The following CCDC14 variants were observed in gnomAD, a reference collection of about 807,000 sequenced individuals.
CCDC14 encodes the protein coiled-coil domain-containing protein 14.
A neutral mutation model predicts 81.4 loss-of-function variants in CCDC14; 71 were observed. That is an observed-to-expected ratio of 0.87 (90% CI 0.72 to 1.06). CCDC14 has a LOEUF of 1.06. Among genes scored for constraint, CCDC14 ranks in the 50% least tolerant of loss-of-function variants. The pLI is 0.00. For missense variants in CCDC14, 1,046 were observed against 1,047.3 expected, an observed-to-expected ratio of 1.00 and a Z score of 0.02; for synonymous variants, 332 against 364.8, an observed-to-expected ratio of 0.91 and a Z score of 1.03.
chr3:123,960,907 G>A (rs537984622), intron 1 of CCDC14, among the ~76,000 whole-genome samples: 15 of 152,300 alleles, frequency 9.8e-5, no homozygotes, highest in Admixed American at 5.9e-4. Flanking sequence ...ACCCGGGCCT[G>A]ACCCCAAAGC....
At chr3:123,940,179 A>G (rs933715186) in intron 9 of CCDC14, among the ~76,000 whole-genome samples, 3 of 151,720 alleles carry the variant, frequency 2.0e-5, no homozygotes, top group African/African-American at 7.3e-5. Context: ...AAAACAAAAA[A>G]CTTCAGGCTT....
chr3:123,952,267 T>A (rs1324327687), intron 5 of CCDC14, among the ~76,000 whole-genome samples: 1 of 152,158 alleles, frequency 6.6e-6, no homozygotes, highest in African/African-American at 2.4e-5. Flanking sequence ...GCCACTCGAA[T>A]ATAGAACAAA....
downstream of CCDC14, among the ~76,000 whole-genome samples, chr3:123,896,570 C>T (rs146569062): frequency 6.8e-4 from 104 of 152,212 alleles, no homozygotes; most frequent in African/African-American, 2.4e-3. Flanking sequence ...CACATGATCT[C>T]ACTTACATGT....
At chr3:123,940,189 T>A (rs2036275327) in intron 9 of CCDC14, among the ~76,000 whole-genome samples, 1 of 151,848 alleles carries the variant, frequency 6.6e-6, no homozygotes. Flanking sequence ...ACTTCAGGCT[T>A]CACAATACTT....
chr3:123,934,442 T>A (rs2035947378), intron 9 of CCDC14, among the ~76,000 whole-genome samples: 1 of 152,094 alleles, frequency 6.6e-6, no homozygotes, highest in South Asian at 2.1e-4. Context: ...ATCTACTTTT[T>A]AAAAGATTTG....
At chr3:123,927,090 T>C (rs1351486336) in intron 12 of CCDC14, among the ~76,000 whole-genome samples, 1 of 152,108 alleles carries the variant, frequency 6.6e-6, no homozygotes, top group African/African-American at 2.4e-5. Context: ...ATAATTAAGC[T>C]CAGAGACTTT....
intron 12 of CCDC14, among the ~76,000 whole-genome samples, chr3:123,925,740 G>T (rs948239285): frequency 1.3e-5 from 2 of 152,152 alleles, no homozygotes; most frequent in South Asian, 4.1e-4. Flanking sequence ...CCAGCCTAGG[G>T]TGATTATACT....
Position 123,915,478 on chromosome 3 carries a change from G to C in CCDC14, c.2019C>G (p.Asp673Glu). The C allele has an allele frequency of 6.2e-7, 1 of 1,613,962 alleles. No homozygotes were observed. Residue 673 changes from aspartate to glutamate, a missense_variant, in exon 13 of 13, where the codon GAC (aspartate) becomes GAG (glutamate). Transcript: ENST00000409697. ...TIKNEETIEP[D>E]KTYENVLSSR... ...AGGACAGAACATTTTCATAGGTTTT[G>C]TCTGGCTCTATGGTTTCCTCATTTT...
At chr3:123,939,155 A>G (rs925813956) in intron 9 of CCDC14, among the ~76,000 whole-genome samples, 9 of 151,800 alleles carry the variant, frequency 5.9e-5, no homozygotes, top group African/African-American at 9.7e-5. Context: ...CCTTTGCACT[A>G]AAAGGACAGC....
chr3:123,917,489 C>T (rs1172812153), intron 12 of CCDC14, among the ~76,000 whole-genome samples: 1 of 147,614 alleles, frequency 6.8e-6, no homozygotes, highest in East Asian at 2.1e-4. Flanking sequence ...GGCGAAACTC[C>T]ATCTCAACCA....
At chr3:123,938,482 C>T (rs1415335670) in intron 9 of CCDC14, among the ~76,000 whole-genome samples, 2 of 151,872 alleles carry the variant, frequency 1.3e-5, no homozygotes, top group Non-Finnish European at 2.9e-5. Context: ...TTCTTATTAA[C>T]TCTAGCAGCA....
chr3:123,913,743 A>C lies in CCDC14; in HGVS notation c.*1036T>G, dbSNP rs1472105412. ...TCTGGGATTAGGAGAACACTCTTTA[A>C]TGATAAAGCCTGTCCAAGTACTAAG... is the stretch of plus-strand genomic sequence containing the variant. On this transcript the variant is annotated 3_prime_UTR_variant, in exon 13 of 13. Transcript: ENST00000409697. The C allele has an allele frequency of 1.0e-6, 1 of 985,030 alleles. No individual in the cohort carries two copies. The highest frequency in any genetic ancestry group is 1.7e-5 in the African/African-American group (1 of 57,196). The allele number at this position is 985,030 out of a possible 1,614,324, so 61.0% of individuals were successfully genotyped here. A position where few individuals can be genotyped will look rare whatever the true frequency, so the allele number is the denominator to read the frequency against.
intron 5 of CCDC14, chr3:123,953,895 C>T (rs1009275600): frequency 6.6e-6 from 1 of 152,142 alleles, no homozygotes; most frequent in African/African-American, 2.4e-5. Flanking sequence ...CTCGCATGAC[C>T]TAGTAGGCAA....
intron 12 of CCDC14, among the ~76,000 whole-genome samples, chr3:123,915,942 A>G (rs2034660125): frequency 6.6e-6 from 1 of 151,700 alleles, no homozygotes; most frequent in Admixed American, 6.6e-5. Context: ...ATCTATCACT[A>G]TGTCTAAAAA....
At position 123,955,973 on chromosome 3, in the gene CCDC14, T is replaced by C. The variant is rs569081188; in HGVS notation, c.230-8A>G. ...AATATGCTGTTTCTGAACCTATTAA[T>C]AAAACAAAAATTTGTTACATCAAAA... On this transcript the variant is annotated splice_region_variant and splice_polypyrimidine_tract_variant and intron_variant, in intron 4 of 12. Coordinates refer to ENST00000409697, the MANE Select transcript of CCDC14 (RefSeq NM_001366335.1). The C allele has an allele frequency of 2.0e-6, 3 of 1,526,256 alleles. No homozygotes were observed. The East Asian group carries it at 7.4e-5, about 38-fold the overall frequency. The allele number at this position is 1,526,256 out of a possible 1,614,324, so 94.5% of individuals were successfully genotyped here.
chr3:123,923,115 G>A (rs529588776), intron 12 of CCDC14, among the ~76,000 whole-genome samples: 1 of 152,050 alleles, frequency 6.6e-6, no homozygotes, highest in Non-Finnish European at 1.5e-5. Context: ...GAGATGCAAG[G>A]ATGGTTCAAC....
intron 12 of CCDC14, among the ~76,000 whole-genome samples, chr3:123,926,600 T>C (rs1192827069): frequency 6.7e-6 from 1 of 148,638 alleles, no homozygotes; most frequent in Non-Finnish European, 1.5e-5. Flanking sequence ...TTTAAATTAA[T>C]ATTTAAAATA....
intron 10 of CCDC14, 157 bp downstream of exon 10, chr3:123,933,516 A>G (rs1219184711): frequency 1.7e-6 from 1 of 586,712 alleles, no homozygotes; most frequent in Non-Finnish European, 3.0e-6. Context: ...AAACAAAAAA[A>G]GGTGTATATT....
chr3:123,915,435 T>C lies in CCDC14; in HGVS notation c.2062A>G (p.Ser688Gly), dbSNP rs747536708. 28 of 1,614,032 alleles carry C rather than the reference T, an allele frequency of 1.7e-5. No homozygotes were observed. Among genetic ancestry groups the C allele is most frequent in the Admixed American group, 1.2e-4 (7 of 60,032 alleles). The change falls in exon 13 of 13, where the codon AGT (serine) becomes GGT (glycine). Residue 688 changes from serine to glycine, a missense_variant. By Grantham distance (56) the Ser-to-Gly change is moderately conservative (BLOSUM62 0). Coordinates refer to ENST00000409697, the MANE Select transcript of CCDC14 (RefSeq NM_001366335.1). Reference sequence around the variant, plus strand: ...GCTTCCTCCATGCCCCTAGTGTTACTATTTTGAGGGCCTCTGGAGGACAGA... The same window carrying C: ...GCTTCCTCCATGCCCCTAGTGTTACCATTTTGAGGGCCTCTGGAGGACAGA... ...NVLSSRGPQN[S>G]NTRGMEEASA...
Sources: allele counts gnomAD v4.1 joint callset (sites outside exome capture counted in the v4.1 genomes callset), GRCh38; gene constraint gnomAD v4.1.1; transcripts MANE v1.5; gene names NCBI Gene and HGNC (gene_info 2026-07-23, HGNC 2026-07-21).